The following CALN1 variants were observed in gnomAD, a reference collection of about 807,000 sequenced individuals.
The protein encoded by CALN1 is calcium-binding protein 8.
Under a neutral mutation model 30.6 loss-of-function variants are expected in CALN1, and 17 were observed. The observed-to-expected ratio is 0.56, with a 90% confidence interval of 0.38 to 0.83. The LOEUF is 0.83. CALN1 is among the 40% of genes least tolerant of loss of function. The probability of loss-of-function intolerance (pLI) is 0.00; values close to 1 mark genes in which losing one functional copy is unlikely to be tolerated. For missense variants in CALN1, 291 were observed against 354.9 expected (o/e 0.82, Z 1.45); for synonymous variants, 156 against 131.4 (o/e 1.19, Z -1.28).
At chr7:72,088,619 A>G (rs1225700917) in intron 4 of CALN1, among the ~76,000 whole-genome samples, 3 of 151,658 alleles carry the variant, frequency 2.0e-5, no homozygotes, top group African/African-American at 7.3e-5. Flanking sequence ...GAATCACTTG[A>G]ACCCAGGAGG....
intron 1 of CALN1, among the ~76,000 whole-genome samples, chr7:72,430,474 C>T (rs747114414): frequency 2.2e-4 from 33 of 151,922 alleles, no homozygotes; most frequent in Non-Finnish European, 3.5e-4. Flanking sequence ...GTTTAGGTCA[C>T]CTGCTTTAAG....
chr7:72,324,607 G>C (rs978783546), intron 2 of CALN1, among the ~76,000 whole-genome samples: 13 of 151,106 alleles, frequency 8.6e-5, no homozygotes, highest in African/African-American at 2.9e-4. Flanking sequence ...TTTAGAGACA[G>C]AGTCTCCCTC....
chr7:72,467,000 G>A, the CALN1 span, among the ~76,000 whole-genome samples: 8 of 152,118 alleles, frequency 5.3e-5, no homozygotes, highest in Non-Finnish European at 1.0e-4. Flanking sequence ...AGGAGGTGAT[G>A]TCAGTGTTGG....
intron 3 of CALN1, among the ~76,000 whole-genome samples, chr7:72,161,648 C>T (rs928634049): frequency 6.6e-6 from 1 of 152,072 alleles, no homozygotes; most frequent in Non-Finnish European, 1.5e-5. Context: ...GAAGACTCAA[C>T]TATTTTGAGC....
chr7:72,003,950 G>A (rs1365231321), intron 5 of CALN1, among the ~76,000 whole-genome samples: 1 of 152,102 alleles, frequency 6.6e-6, no homozygotes, highest in African/African-American at 2.4e-5. Flanking sequence ...TAATAAAGAT[G>A]CCAATTCTCC....
chr7:72,392,211 G>T (rs1805620312), intron 2 of CALN1, among the ~76,000 whole-genome samples: 1 of 152,218 alleles, frequency 6.6e-6, no homozygotes, highest in South Asian at 2.1e-4. Context: ...ACATGGAAGT[G>T]ATCAAATAAT....
At chr7:72,440,678 T>C (rs907077449) in intron 1 of CALN1, among the ~76,000 whole-genome samples, 1 of 152,030 alleles carries the variant, frequency 6.6e-6, no homozygotes, top group Non-Finnish European at 1.5e-5. Flanking sequence ...AATACAAAAC[T>C]TAGCTGGGTG....
intron 3 of CALN1, among the ~76,000 whole-genome samples, chr7:72,239,766 G>A (rs1385698357): frequency 1.3e-5 from 2 of 152,060 alleles, no homozygotes; most frequent in Admixed American, 6.6e-5. Flanking sequence ...ATGTGCCCTC[G>A]ATCCCAACAG....
chr7:71,951,930 C>T (rs1339353032), intron 5 of CALN1, among the ~76,000 whole-genome samples: 2 of 151,408 alleles, frequency 1.3e-5, no homozygotes, highest in Non-Finnish European at 2.9e-5. Flanking sequence ...CAAACTGCTG[C>T]AGCCTTTTTT....
chr7:72,324,868 G>A (rs1801159406), intron 2 of CALN1, among the ~76,000 whole-genome samples: 1 of 152,172 alleles, frequency 6.6e-6, no homozygotes, highest in African/African-American at 2.4e-5. Flanking sequence ...ACAGGCATGA[G>A]CCACTGCTCT....
chr7:72,299,906 G>GT (rs1291650114), intron 2 of CALN1, among the ~76,000 whole-genome samples: 2 of 151,786 alleles, frequency 1.3e-5, no homozygotes, highest in East Asian at 1.9e-4. Flanking sequence ...TTTGTTTGTT[G>GT]TTTTTTTCTG....
chr7:72,146,977 T>G (rs1786802945), intron 3 of CALN1, among the ~76,000 whole-genome samples: 1 of 152,188 alleles, frequency 6.6e-6, no homozygotes, highest in African/African-American at 2.4e-5. Context: ...TGAAGATGGA[T>G]TAAAGACTTA....
intron 2 of CALN1, among the ~76,000 whole-genome samples, chr7:72,382,465 T>C (rs1421063308): frequency 1.3e-5 from 2 of 152,220 alleles, no homozygotes; most frequent in Non-Finnish European, 2.9e-5. Flanking sequence ...ATTGCATTTT[T>C]TTATTTCAAT....
intron 2 of CALN1, chr7:72,337,060 G>A (rs1028684465): frequency 1.2e-5 from 12 of 985,498 alleles, no homozygotes; most frequent in Non-Finnish European, 1.4e-5. Flanking sequence ...TACCCCTCCC[G>A]CTCCCGCTGG....
the CALN1 span, among the ~76,000 whole-genome samples, chr7:72,492,165 A>G: frequency 6.6e-6 from 1 of 152,216 alleles, no homozygotes; most frequent in Non-Finnish European, 1.5e-5. Context: ...GAAATGTGCC[A>G]CCTTGGCCTT....
At chr7:72,094,919 T>C (rs953192876) in intron 4 of CALN1, among the ~76,000 whole-genome samples, 5 of 152,172 alleles carry the variant, frequency 3.3e-5, no homozygotes, top group African/African-American at 1.2e-4. Flanking sequence ...CCCATGTTTC[T>C]AGAGACTATT....
chr7:71,949,887 G>C (rs952449257), intron 5 of CALN1, among the ~76,000 whole-genome samples: 1 of 151,680 alleles, frequency 6.6e-6, no homozygotes, highest in African/African-American at 2.4e-5. Context: ...TCAGCCTCCC[G>C]AGTAGCTGGG....
At chr7:72,023,873 A>G (rs1171991943) in intron 4 of CALN1, 104 bp from the exon 5 acceptor site, 3 of 696,906 alleles carry the variant, frequency 4.3e-6, no homozygotes, top group Middle Eastern at 2.5e-4. Flanking sequence ...CATGACCTCA[A>G]TCAATGAAGA....
chr7:72,105,908 G>T (rs373024341), intron 4 of CALN1, among the ~76,000 whole-genome samples: 3 of 151,374 alleles, frequency 2.0e-5, no homozygotes, highest in Admixed American at 6.6e-5. Flanking sequence ...ACAAGATGCT[G>T]TAACTGTTCC....
Sources: allele counts gnomAD v4.1 joint callset (sites outside exome capture counted in the v4.1 genomes callset), GRCh38; gene constraint gnomAD v4.1.1; transcripts MANE v1.5; gene names NCBI Gene and HGNC (gene_info 2026-07-23, HGNC 2026-07-21).